Variants in IRF9 observed in about 807,000 individuals in gnomAD.
IRF9 encodes interferon regulatory factor 9, also known as IFN-alpha-responsive transcription factor subunit.
Under a neutral mutation model 44.1 loss-of-function variants are expected in IRF9, and 13 were observed. The ratio of observed to expected loss-of-function variants is 0.29; its 90% CI spans 0.19 to 0.47. The LOEUF (loss-of-function observed/expected upper bound fraction) is 0.47. IRF9 is among the 20% of genes least tolerant of loss of function. IRF9 has a pLI of 1.00. For missense variants in IRF9, 373 were observed against 496.1 expected, an observed-to-expected ratio of 0.75 and a Z score of 2.36; for synonymous variants, 189 against 188.5, an observed-to-expected ratio of 1.00 and a Z score of -0.02.
Position 24,163,131 on chromosome 14 carries a change from C to T in IRF9, c.346C>T (p.Pro116Ser). 6.2e-7 allele frequency: 1 copy of T among 1,613,910 alleles called. No homozygotes were observed. Among genetic ancestry groups the T allele is most frequent in the Non-Finnish European group, 8.5e-7 (1 of 1,179,914 alleles). ...GCCCTACAAGGTGTATCAGTTGCTGCCACCAGGAATCGTCTCTGGTGAGTT... is the reference window on the plus strand; with the variant it reads ...GCCCTACAAGGTGTATCAGTTGCTGTCACCAGGAATCGTCTCTGGTGAGTT... Reference protein sequence around the residue: ...AEPYKVYQLLPPGIVSGQPGT... With the variant: ...AEPYKVYQLLSPGIVSGQPGT... Residue 116 changes from proline (P) to serine (S), a missense_variant, in exon 3 of 9, where the codon CCA (proline) becomes TCA (serine). This residue lies in a region of IRF9 where 227 missense variants were observed against 255.3 expected (regional missense o/e 0.89). Transcript: ENST00000396864.
intron 3 of IRF9, 61 bp downstream of exon 3, chr14:24,163,210 T>C: frequency 6.3e-7 from 1 of 1,586,406 alleles, no homozygotes. Flanking sequence ...AGGATAGATG[T>C]GCAGGCTTCC....
intron 4 of IRF9, 128 bp from the exon 5 acceptor site, chr14:24,163,750 A>G: frequency 9.9e-7 from 1 of 1,007,884 alleles, no homozygotes. Context: ...AGGCAGGAGA[A>G]TCGCTTGAAC....
Position 24,166,334 on chromosome 14 carries a change from C to T in IRF9, c.*138C>T, listed in dbSNP as rs1026706018. 44 of 774,954 alleles carry T rather than the reference C, an allele frequency of 5.7e-5. No individual in the cohort carries two copies. The highest frequency in any genetic ancestry group is 1.9e-4 in the Admixed American group (9 of 46,846). 48.0% of individuals were successfully genotyped at this position (774,954 alleles called of 1,614,324 possible). On this transcript the variant is annotated 3_prime_UTR_variant, in exon 9 of 9. Transcript: ENST00000396864. ...TCCGTGATAATCGTGTCCTGAAAAT[C>T]CTCGCACACACTGGCTGGTGGAGAA...
At position 24,164,132 on chromosome 14, in the gene IRF9, C is replaced by A. The variant is rs189704574; in HGVS notation, c.647C>A (p.Pro216Gln). 1 of 1,613,958 alleles carries A rather than the reference C, an allele frequency of 6.2e-7. No individual in the cohort carries two copies. Among genetic ancestry groups the A allele is most frequent in the South Asian group, 1.1e-5 (1 of 91,080 alleles). ...RSLEFLLPPE[P>Q]DYSLLLTFIY... ...CTGGAGTTTCTGCTTCCTCCAGAGC[C>A]AGGTACGTGGCATTTCTGACTTTCT... is the stretch of plus-strand genomic sequence containing the variant. Residue 216 changes from proline (P) to glutamine (Q), a missense_variant and splice_region_variant, in exon 6 of 9, where the codon CCA becomes CAA. Physicochemically the swap from Pro to Gln is moderately conservative, Grantham distance 76. Coordinates refer to ENST00000396864, the MANE Select transcript of IRF9 (RefSeq NM_006084.5). The surrounding 1 kb of genome is among the most constrained non-coding windows in gnomAD (Gnocchi z 5.2).
intron 7 of IRF9, 124 bp from the exon 8 acceptor site, chr14:24,165,723 C>T: frequency 4.7e-6 from 3 of 637,820 alleles, no homozygotes; most frequent in Non-Finnish European, 8.2e-6. Flanking sequence ...TCTGACCTTG[C>T]AGCTCCTGCT....
chr14:24,162,119 G>A, intron 1 of IRF9, 25 bp from the exon 2 acceptor site: 1 of 1,608,348 alleles, frequency 6.2e-7, no homozygotes, highest in Non-Finnish European at 8.5e-7. Flanking sequence ...CAGTTCTGAT[G>A]CATCCTGCTC....
chr14:24,163,500 C>A lies in IRF9; in HGVS notation c.487C>A (p.Leu163Ile). ...TLSPSVLQDS[L>I]NNEEEGASGG... ...CAGTCCCTCTGTGCTCCAGGACTCC[C>A]TCAATAATGTAAGAGATGGAGAGGG... The change falls in exon 4 of 9, where the codon CTC (leucine) becomes ATC (isoleucine). Residue 163 changes from leucine (L) to isoleucine (I), a missense_variant. Physicochemically the swap from Leu to Ile is conservative, Grantham distance 5. This residue lies in a region of IRF9 where 227 missense variants were observed against 255.3 expected (regional missense o/e 0.89). Coordinates refer to ENST00000396864, the MANE Select transcript of IRF9 (RefSeq NM_006084.5). 1 of 1,613,980 alleles carries A rather than the reference C, an allele frequency of 6.2e-7. No homozygotes were observed. Among genetic ancestry groups the A allele is most frequent in the South Asian group, 1.1e-5 (1 of 91,056 alleles).
At position 24,164,392 on chromosome 14, in the gene IRF9, G is replaced by A. The variant is rs1461295435; in HGVS notation, c.650-222G>A. The A allele has an allele frequency of 1.7e-6, 1 of 601,128 alleles. No homozygotes were observed. Among genetic ancestry groups the A allele is most frequent in the Non-Finnish European group, 2.9e-6 (1 of 341,748 alleles). 37.2% of individuals were successfully genotyped at this position (601,128 alleles called of 1,614,324 possible). A position where few individuals can be genotyped will look rare whatever the true frequency, so the allele number is the denominator to read the frequency against. On this transcript the variant is annotated intron_variant, in intron 6 of 8. Transcript: ENST00000396864. The surrounding 1 kb of genome is among the most constrained non-coding windows in gnomAD (Gnocchi z 5.2). ...ATTGATTTCATTGGGCCAAACAGAG[G>A]CCCAATCTCAAGGGACCTTCTAGTA...
chr14:24,162,874 C>T, intron 2 of IRF9, 92 bp from the exon 3 acceptor site: 4 of 979,338 alleles, frequency 4.1e-6, no homozygotes, highest in East Asian at 2.5e-5. Context: ...CCCTTCTGAG[C>T]TCAGAGCTGC....
chr14:24,166,276 A>G lies in IRF9; in HGVS notation c.*80A>G. ...AGTAGACTCATTCTTCACACGATTG[A>G]CCTGTCCTCTTTGTGATAATTCTCA... On this transcript the variant is annotated 3_prime_UTR_variant, in exon 9 of 9. Coordinates refer to ENST00000396864, the MANE Select transcript of IRF9 (RefSeq NM_006084.5). 8.3e-7 allele frequency: 1 copy of G among 1,211,402 alleles called. No homozygotes were observed. The highest frequency in any genetic ancestry group is 2.4e-5 in the East Asian group (1 of 41,474). The allele number at this position is 1,211,402 out of a possible 1,614,324, so 75.0% of individuals were successfully genotyped here. A position where few individuals can be genotyped will look rare whatever the true frequency, so the allele number is the denominator to read the frequency against.
intron 1 of IRF9, among the ~76,000 whole-genome samples, chr14:24,161,701 G>A (rs948984368): frequency 6.6e-6 from 1 of 152,206 alleles, no homozygotes; most frequent in Non-Finnish European, 1.5e-5. Flanking sequence ...GTGGGGGTCA[G>A]GCTAGGTTGT....
rs1201080325 is a variant in IRF9, at chr14:24,166,129, A to T, written c.1115A>T (p.Gln372Leu). 3 of 1,613,864 alleles carry T rather than the reference A, an allele frequency of 1.9e-6. No individual in the cohort carries two copies. The highest frequency in any genetic ancestry group is 1.3e-5 in the African/African-American group (1 of 74,944). Reference sequence around the variant, plus strand: ...CCATCTCTTCCAATACAGATGGAGCAGGCCTTTGCCCGATACTTGCTGGAG... The same window carrying T: ...CCATCTCTTCCAATACAGATGGAGCTGGCCTTTGCCCGATACTTGCTGGAG... ...PQNLITVKMEQAFARYLLEQT... is the reference protein window; with the variant it reads ...PQNLITVKMELAFARYLLEQT... The change falls in exon 9 of 9, where the codon CAG becomes CTG. Residue 372 changes from glutamine (Q) to leucine (L), a missense_variant. Gln to Leu is a moderately radical substitution (Grantham distance 113). Coordinates refer to ENST00000396864, the MANE Select transcript of IRF9 (RefSeq NM_006084.5).
At position 24,162,170 on chromosome 14, in the gene IRF9, C is replaced by T; in HGVS notation, c.26C>T (p.Thr9Ile). The stretch of plus-strand genomic sequence containing the variant: ...ATGGCATCAGGCAGGGCACGCTGCA[C>T]CCGAAAACTCCGGAACTGGGTGGTG... MASGRARC[T>I]RKLRNWVVEQ... The change falls in exon 2 of 9, where the codon ACC becomes ATC. Residue 9 changes from threonine (T) to isoleucine (I), a missense_variant. This residue lies in a region of IRF9 where 227 missense variants were observed against 255.3 expected (regional missense o/e 0.89). Transcript: ENST00000396864. 1.9e-6 allele frequency: 3 copies of T among 1,614,094 alleles called. No homozygotes were observed. The highest frequency in any genetic ancestry group is 2.5e-6 in the Non-Finnish European group (3 of 1,179,990).
intron 1 of IRF9, 79 bp from the exon 2 acceptor site, chr14:24,162,065 G>A: frequency 7.2e-7 from 1 of 1,381,688 alleles, no homozygotes. Flanking sequence ...CCAGAATCTA[G>A]TCTCAATGGC....
rs111232493 is a variant in IRF9, at chr14:24,166,380, C to CTT, written c.*195_*196dup. On this transcript the variant is annotated 3_prime_UTR_variant, in exon 9 of 9. Transcript: ENST00000396864. ...GAGAACTCAAGGCTAATTTTTTATC[C>CTT]TTTTTTTTTTTTAATTTTGAGATAT... The CTT allele has an allele frequency of 4.4e-3, 2,396 of 540,958 alleles. No homozygotes were observed. Among genetic ancestry groups the CTT allele is most frequent in the East Asian group, 0.014 (452 of 31,274 alleles). 33.5% of individuals were successfully genotyped at this position (540,958 alleles called of 1,614,324 possible).
At chr14:24,165,354 G>A in intron 7 of IRF9, 1 of 633,188 alleles carries the variant, frequency 1.6e-6, no homozygotes, top group Non-Finnish European at 2.9e-6. Context: ...ACTGGCCCTG[G>A]CTGCACCGTC....
Position 24,162,321 on chromosome 14 carries a change from C to G in IRF9, c.177C>G (p.Phe59Leu), listed in dbSNP as rs764012274. Reference protein sequence around the residue: ...DFREDQDAAFFKAWAIFKGKY... With the variant: ...DFREDQDAAFLKAWAIFKGKY... ...GGGAGGACCAGGATGCTGCCTTCTT[C>G]AAGGTGAAAGGGCCTGGAAACCACT... The change falls in exon 2 of 9, where the codon TTC becomes TTG. Residue 59 changes from phenylalanine (F) to leucine (L), a missense_variant. This residue lies in a region of IRF9 where 227 missense variants were observed against 255.3 expected (regional missense o/e 0.89). Coordinates refer to ENST00000396864, the MANE Select transcript of IRF9 (RefSeq NM_006084.5). 6.2e-7 allele frequency: 1 copy of G among 1,613,332 alleles called. No individual in the cohort carries two copies. The highest frequency in any genetic ancestry group is 8.5e-7 in the Non-Finnish European group (1 of 1,179,556).
Position 24,166,375 on chromosome 14 carries a change from T to C in IRF9, c.*179T>C. 1 of 593,390 alleles carries C rather than the reference T, an allele frequency of 1.7e-6. No individual in the cohort carries two copies. The highest frequency in any genetic ancestry group is 2.1e-5 in the South Asian group (1 of 48,678). The allele number at this position is 593,390 out of a possible 1,614,324, so 36.8% of individuals were successfully genotyped here. Reference sequence around the variant, plus strand: ...TGGTGGAGAACTCAAGGCTAATTTTTTATCCTTTTTTTTTTTTAATTTTGA... The same window carrying C: ...TGGTGGAGAACTCAAGGCTAATTTTCTATCCTTTTTTTTTTTTAATTTTGA... On this transcript the variant is annotated 3_prime_UTR_variant, in exon 9 of 9. Coordinates refer to ENST00000396864, the MANE Select transcript of IRF9 (RefSeq NM_006084.5).
chr14:24,164,195 T>A lies in IRF9; in HGVS notation c.649+61T>A. ...GCCCCTGAGGTCTTCCACCTTTGAC[T>A]ATGCATGCATTATCTAGTCAGTCAG... is the stretch of plus-strand genomic sequence containing the variant. On this transcript the variant is annotated intron_variant, in intron 6 of 8. Transcript: ENST00000396864. The surrounding 1 kb of genome is among the most constrained non-coding windows in gnomAD (Gnocchi z 5.2). 1 of 1,349,236 alleles carries A rather than the reference T, an allele frequency of 7.4e-7. No individual in the cohort carries two copies. Among genetic ancestry groups the A allele is most frequent in the Non-Finnish European group, 1.1e-6 (1 of 939,496 alleles). 83.6% of individuals were successfully genotyped at this position (1,349,236 alleles called of 1,614,324 possible).
Sources: allele counts gnomAD v4.1 joint callset (sites outside exome capture counted in the v4.1 genomes callset), GRCh38; gene constraint gnomAD v4.1.1; regional missense constraint gnomAD v4.1.1; non-coding constraint Gnocchi (gnomAD v3.1); transcripts MANE v1.5; gene names NCBI Gene and HGNC (gene_info 2026-07-23, HGNC 2026-07-21).